PDE1C: variants seen among roughly 807,000 people sequenced by gnomAD.
The protein encoded by PDE1C is dual specificity calcium/calmodulin-dependent 3',5'-cyclic nucleotide phosphodiesterase 1C.
PDE1C carries 62 observed loss-of-function variants against 93.1 expected under a neutral mutation model. The observed-to-expected ratio is 0.67, with a 90% CI of 0.54 to 0.82. The LOEUF (loss-of-function observed/expected upper bound fraction) is 0.82. Among genes scored for constraint, PDE1C ranks in the 40% least tolerant of loss-of-function variants. PDE1C has a pLI of 0.00. For synonymous variants in PDE1C, 325 were observed against 310.1 expected, an observed-to-expected ratio of 1.05 and a Z score of -0.50; for missense variants, 742 against 884.6, an observed-to-expected ratio of 0.84 and a Z score of 2.04.
chr7:32,331,290 A>T lies in PDE1C; in HGVS notation c.310+96532T>A, dbSNP rs956513218. Among the ~76,000 whole-genome samples, 4 of 152,236 alleles carry T rather than the reference A, an allele frequency of 2.6e-5. No homozygotes were observed. The South Asian group carries it at 6.2e-4, about 24-fold the overall frequency. On this transcript the variant is annotated intron_variant, in intron 1 of 1. Coordinates refer to the PDE1C transcript ENST00000672256. Reference sequence around the variant, plus strand: ...GATTCAGAATTGACATGTGGCCTTGACTTAGACACTAGGTTCAAATCCAAC... The same window carrying T: ...GATTCAGAATTGACATGTGGCCTTGTCTTAGACACTAGGTTCAAATCCAAC...
At chr7:31,907,119 C>T (rs899251961) in intron 2 of PDE1C, among the ~76,000 whole-genome samples, 1 of 150,348 alleles carries the variant, frequency 6.7e-6, no homozygotes, top group African/African-American at 2.4e-5. Flanking sequence ...AGGGCCAGAA[C>T]TAATTTCAGA....
the PDE1C span, among the ~76,000 whole-genome samples, chr7:31,622,014 T>C: frequency 7.1e-6 from 1 of 141,538 alleles, no homozygotes; most frequent in African/African-American, 2.7e-5. Flanking sequence ...AAGAAGGCCA[T>C]TACATAATGG....
chr7:31,963,636 C>T (rs138723608), intron 2 of PDE1C, among the ~76,000 whole-genome samples: 7 of 151,998 alleles, frequency 4.6e-5, no homozygotes, highest in African/African-American at 1.7e-4. Context: ...TAGAAGAAAA[C>T]CAAAAAAGAT....
Position 32,350,568 on chromosome 7 carries a change from A to C in PDE1C, c.310+77254T>G. The stretch of plus-strand genomic sequence containing the variant: ...GACTAATATATATATATATATATAT[A>C]TATATATATATATATATATATATTT... On this transcript the variant is annotated intron_variant, in intron 1 of 1. Coordinates refer to the PDE1C transcript ENST00000672256. Among the ~76,000 whole-genome samples, 29 of 5,102 alleles carry C rather than the reference A, an allele frequency of 5.7e-3. 13 individuals are homozygous for C. Among genetic ancestry groups the C allele is most frequent in the Admixed American group, 0.01 (2 of 194 alleles). The allele number at this position is 5,102 out of a possible 152,430, so 3.3% of individuals were successfully genotyped here. A position where few individuals can be genotyped will look rare whatever the true frequency, so the allele number is the denominator to read the frequency against.
At chr7:32,279,222 CCAAT>C (rs1269962237) in intron 1 of PDE1C, among the ~76,000 whole-genome samples, 20 of 152,052 alleles carry the variant, frequency 1.3e-4, no homozygotes, top group Admixed American at 3.9e-4. Flanking sequence ...TCTGAAAAGG[CCAAT>C]CAAAGAACAT....
chr7:32,127,323 G>A (rs1360104550), intron 3 of PDE1C, among the ~76,000 whole-genome samples: 3 of 151,922 alleles, frequency 2.0e-5, no homozygotes, highest in Non-Finnish European at 4.4e-5. Flanking sequence ...CGTCCTATTG[G>A]TTCTGTACCT....
At chr7:31,716,087 G>A in the PDE1C span, among the ~76,000 whole-genome samples, 2 of 152,130 alleles carry the variant, frequency 1.3e-5, no homozygotes, top group African/African-American at 4.8e-5. Context: ...TTTGTTCTTT[G>A]GTGTCTTTGT....
intron 3 of PDE1C, among the ~76,000 whole-genome samples, chr7:32,084,262 T>C (rs552325567): frequency 6.6e-6 from 1 of 151,864 alleles, no homozygotes; most frequent in South Asian, 2.1e-4. Context: ...AGAAGGCCAT[T>C]AGATAATGGT....
the PDE1C span, among the ~76,000 whole-genome samples, chr7:31,732,638 CTGTGTGTGTGTGTGTGTG>C: frequency 1.1e-4 from 16 of 144,198 alleles, no homozygotes; most frequent in South Asian, 2.3e-4. Flanking sequence ...TCCTCTCTTT[CTGTGTGTGTGTGTGTGTG>C]TGTGTGTGTG....
the PDE1C span, among the ~76,000 whole-genome samples, chr7:31,656,858 T>C: frequency 2.0e-5 from 3 of 148,254 alleles, no homozygotes; most frequent in African/African-American, 5.0e-5. Flanking sequence ...AAAAAGAGCA[T>C]AGAAGGGAAA....
Position 32,070,370 on chromosome 7 carries a change from A to T in PDE1C, c.24T>A (p.Ile8=). 6.2e-7 allele frequency: 1 copy of T among 1,614,190 alleles called. No homozygotes were observed. The highest frequency in any genetic ancestry group is 8.5e-7 in the Non-Finnish European group (1 of 1,180,038). The stretch of plus-strand genomic sequence containing the variant: ...TCAGAGAGTTGCTCTCAAATTCTTC[A>T]ATCTCCTTGGTTGGCGACTCCATAG... The part of the protein sequence containing the change: MESPTKE[I]EEFESNSLKY... Residue 8 remains isoleucine, a synonymous_variant, in exon 1 of 18, where the codon ATT becomes ATA. Transcript: ENST00000396191.
intron 17 of PDE1C, among the ~76,000 whole-genome samples, chr7:31,755,050 A>G (rs73311173): frequency 0.022 from 3,342 of 152,286 alleles, 137 homozygotes; most frequent in African/African-American, 0.076. Context: ...CTGCAAGACT[A>G]AAGGCCGAAG....
intron 1 of PDE1C, among the ~76,000 whole-genome samples, chr7:32,258,975 G>A (rs191711550): frequency 2.6e-5 from 4 of 152,222 alleles, no homozygotes; most frequent in Admixed American, 6.5e-5. Context: ...TCCATGGTGC[G>A]CCCAGGACTG....
At chr7:31,745,675 A>G in the PDE1C span, among the ~76,000 whole-genome samples, 3 of 152,224 alleles carry the variant, frequency 2.0e-5, no homozygotes. Context: ...AAATGAAGCC[A>G]TGTGAACAAA....
At chr7:32,189,123 T>C (rs1315929511) in intron 2 of PDE1C, among the ~76,000 whole-genome samples, 1 of 152,192 alleles carries the variant, frequency 6.6e-6, no homozygotes, top group Admixed American at 6.5e-5. Context: ...GATCACTATA[T>C]AGTGAGACCA....
At chr7:31,729,081 A>C in the PDE1C span, among the ~76,000 whole-genome samples, 1 of 152,224 alleles carries the variant, frequency 6.6e-6, no homozygotes, top group Non-Finnish European at 1.5e-5. Context: ...CATCAGAAAA[A>C]TATAAATGAT....
chr7:32,085,469 T>C (rs983397928), intron 3 of PDE1C, among the ~76,000 whole-genome samples: 7 of 148,918 alleles, frequency 4.7e-5, no homozygotes, highest in African/African-American at 1.0e-4. Flanking sequence ...TTCCAATCAA[T>C]AGAAAAAGAG....
At chr7:32,170,243 T>C (rs1158730567) in intron 2 of PDE1C, among the ~76,000 whole-genome samples, 2 of 152,112 alleles carry the variant, frequency 1.3e-5, no homozygotes, top group Non-Finnish European at 2.9e-5. Flanking sequence ...TCTATGTAGA[T>C]GTTTATTCAG....
intron 2 of PDE1C, among the ~76,000 whole-genome samples, chr7:31,913,363 C>T (rs763235387): frequency 6.6e-5 from 10 of 151,598 alleles, no homozygotes; most frequent in Non-Finnish European, 8.8e-5. Flanking sequence ...TAATGCTTTA[C>T]GGAGGTTATG....
Sources: gnomAD v4.1 joint callset for allele counts (sites outside exome capture counted in the v4.1 genomes callset) on GRCh38, gnomAD v4.1.1 for gene constraint, MANE v1.5 for transcripts, NCBI Gene and HGNC (gene_info 2026-07-23, HGNC 2026-07-21) for gene names.